RAD54B: variants seen among roughly 807,000 people sequenced by gnomAD.
The protein encoded by RAD54B is RAD54 homolog B, also known as DNA repair and recombination protein RAD54B.
Under a neutral mutation model 95.8 loss-of-function variants are expected in RAD54B, and 78 were observed. The ratio of observed to expected loss-of-function variants is 0.81; its 90% CI spans 0.68 to 0.98. RAD54B has a LOEUF of 0.98. RAD54B is among the 50% of genes least tolerant of loss of function. RAD54B has a pLI of 0.00. For synonymous variants in RAD54B, 328 were observed against 354.9 expected (o/e 0.92, Z 0.85); for missense variants, 957 against 1,056.6 (o/e 0.91, Z 1.31).
At chr8:94,426,838 C>A (rs1041547799) in intron 3 of RAD54B, among the ~76,000 whole-genome samples, 1 of 152,018 alleles carries the variant, frequency 6.6e-6, no homozygotes, top group South Asian at 2.1e-4. Flanking sequence ...TCACTGTATG[C>A]AAATCTTACC....
chr8:94,428,056 T>C (rs1226849816), intron 3 of RAD54B: 11 of 947,928 alleles, frequency 1.2e-5, no homozygotes, highest in Non-Finnish European at 3.8e-6. Flanking sequence ...AGGATGTCAT[T>C]ATAAATCACA....
chr8:94,450,666 AGCCAGGAGTTCGAGACGAACCTG>A (rs1454024809), intron 3 of RAD54B, among the ~76,000 whole-genome samples: 3 of 152,088 alleles, frequency 2.0e-5, no homozygotes, highest in African/African-American at 7.2e-5. Flanking sequence ...AATCACTTGG[AGCCAGGAGTTCGAGACGAACCTG>A]GCCAACATGG....
chr8:94,391,942 A>C, intron 9 of RAD54B, 43 bp from the exon 10 acceptor site: 2 of 1,458,868 alleles, frequency 1.4e-6, no homozygotes, highest in Non-Finnish European at 1.9e-6. Context: ...TTATAGACAA[A>C]AATACACTTA....
chr8:94,455,238 TATA>T (rs146995495), intron 3 of RAD54B, among the ~76,000 whole-genome samples: 1,688 of 152,280 alleles, frequency 0.011, 107 homozygotes, highest in Admixed American at 0.095. Context: ...GCCTGCAAAC[TATA>T]ATGTTCCAAT....
intron 5 of RAD54B, among the ~76,000 whole-genome samples, chr8:94,404,963 G>A (rs567630911): frequency 1.3e-4 from 19 of 151,814 alleles, no homozygotes; most frequent in African/African-American, 2.4e-4. Context: ...ACAGGTTCGC[G>A]CCACCACACC....
intron 1 of RAD54B, among the ~76,000 whole-genome samples, chr8:94,472,626 A>G (rs1813198834): frequency 6.6e-6 from 1 of 152,174 alleles, no homozygotes; most frequent in Non-Finnish European, 1.5e-5. Context: ...ACACTTTTTA[A>G]AAAGGAACAC....
At chr8:94,408,485 G>GA (rs1460086522) in intron 4 of RAD54B, among the ~76,000 whole-genome samples, 4 of 152,176 alleles carry the variant, frequency 2.6e-5, no homozygotes, top group African/African-American at 9.6e-5. Context: ...GTGTATACCA[G>GA]AAACTTTTAA....
At chr8:94,381,871 C>T (rs1370370809) in intron 11 of RAD54B, among the ~76,000 whole-genome samples, 2 of 152,022 alleles carry the variant, frequency 1.3e-5, no homozygotes, top group African/African-American at 4.8e-5. Flanking sequence ...CCCAGCACTT[C>T]AGGAGGCCGA....
chr8:94,415,034 A>G (rs1454857679), intron 3 of RAD54B, among the ~76,000 whole-genome samples: 1 of 151,890 alleles, frequency 6.6e-6, no homozygotes, highest in Non-Finnish European at 1.5e-5. Context: ...TTCATATGGA[A>G]CCAAAAAAGA....
rs920135682 is a variant in RAD54B, at chr8:94,431,015, A to C, written c.305-19700T>G. The C allele has an allele frequency of 7.1e-6, 7 of 985,122 alleles. No homozygotes were observed. The African/African-American group carries it at 1.2e-4, about 17-fold the overall frequency. 61.0% of individuals were successfully genotyped at this position (985,122 alleles called of 1,614,324 possible). ...ACTTCAAACACCCATGGTCCCCTTCACTGCTGAAATTACACCCACCCCATT... is the reference window on the plus strand; with the variant it reads ...ACTTCAAACACCCATGGTCCCCTTCCCTGCTGAAATTACACCCACCCCATT... On this transcript the variant is annotated intron_variant, in intron 3 of 14. Transcript: ENST00000336148.
chr8:94,456,384 T>C (rs1379517616), intron 3 of RAD54B, among the ~76,000 whole-genome samples: 1 of 152,206 alleles, frequency 6.6e-6, no homozygotes, highest in Non-Finnish European at 1.5e-5. Context: ...TGAATTACTA[T>C]TAATCCTGTT....
In RAD54B at chr8:94,419,130, T is replaced by C. The variant is rs183707030; in HGVS notation, c.305-7815A>G. 4.0e-4 allele frequency among the ~76,000 whole-genome samples: 61 copies of C among 152,298 alleles called. 1 individual carries two copies. The East Asian group carries it at 7.7e-3, about 19-fold the overall frequency. On this transcript the variant is annotated intron_variant, in intron 3 of 14. Coordinates refer to ENST00000336148, the MANE Select transcript of RAD54B (RefSeq NM_012415.3). ...ACATTCAGCCGACATATTGCCAATA[T>C]GTAGAATCTAATCCCTGAATTTTAC... is the stretch of plus-strand genomic sequence containing the variant.
Position 94,467,858 on chromosome 8 carries a change from T to A in RAD54B, c.-16-303A>T, listed in dbSNP as rs534609025. The stretch of plus-strand genomic sequence containing the variant: ...CCCTCTAGAAACTAAAGGTAACATC[T>A]TAACATATGTCCTTGAGTTGTTTTT... On this transcript the variant is annotated intron_variant, in intron 1 of 14. Coordinates refer to ENST00000336148, the MANE Select transcript of RAD54B (RefSeq NM_012415.3). 109 of 203,520 alleles carry A rather than the reference T, an allele frequency of 5.4e-4. 3 individuals are homozygous for A. The South Asian group carries it at 9.4e-3, about 18-fold the overall frequency. The allele number at this position is 203,520 out of a possible 1,614,324, so 12.6% of individuals were successfully genotyped here. A position where few individuals can be genotyped will look rare whatever the true frequency, so the allele number is the denominator to read the frequency against.
In RAD54B at chr8:94,378,567, C is replaced by T; in HGVS notation, c.2314+1G>A. On this transcript the variant is annotated splice_donor_variant, in intron 13 of 14. Coordinates refer to ENST00000336148, the MANE Select transcript of RAD54B (RefSeq NM_012415.3). LOFTEE classifies it high-confidence loss of function. ...TTTTTGTCACACTGAAGGGTTGTTA[C>T]CTGTAGTTAGGAGTCTGTAAATATG... The T allele has an allele frequency of 6.2e-7, 1 of 1,601,004 alleles. No individual in the cohort carries two copies. The highest frequency in any genetic ancestry group is 8.5e-7 in the Non-Finnish European group (1 of 1,173,006).
intron 6 of RAD54B, among the ~76,000 whole-genome samples, chr8:94,402,901 G>T (rs1811296300): frequency 6.6e-6 from 1 of 152,106 alleles, no homozygotes; most frequent in Non-Finnish European, 1.5e-5. Flanking sequence ...GAAAAGATTA[G>T]GAAACAATAT....
rs140449618 is a variant in RAD54B at position 94,463,745 on chromosome 8, A to T, written c.135+3660T>A. On this transcript the variant is annotated intron_variant, in intron 2 of 14. Transcript: ENST00000336148. ...ATTTAAAAATTAGCCTATAAAATTT[A>T]AAATTTAAAAATCTCTAAAAAAATT... is the stretch of plus-strand genomic sequence containing the variant. Among the ~76,000 whole-genome samples, 245 of 152,078 alleles carry T rather than the reference A, an allele frequency of 1.6e-3. 2 individuals carry two copies. The highest frequency in any genetic ancestry group is 5.7e-3 in the African/African-American group (235 of 41,478).
At chr8:94,441,700 C>T (rs1812402929) in intron 3 of RAD54B, among the ~76,000 whole-genome samples, 1 of 152,176 alleles carries the variant, frequency 6.6e-6, no homozygotes, top group Non-Finnish European at 1.5e-5. Flanking sequence ...CTCTCCTCTC[C>T]CCAGAGATAG....
chr8:94,377,649 T>C (rs1428160249), intron 14 of RAD54B, among the ~76,000 whole-genome samples: 1 of 148,530 alleles, frequency 6.7e-6, no homozygotes, highest in East Asian at 2.0e-4. Context: ...TTTTCACAAG[T>C]GATTCAGAAA....
Position 94,418,239 on chromosome 8 carries a change from A to G in RAD54B, c.305-6924T>C, listed in dbSNP as rs565424894. Among the ~76,000 whole-genome samples, 19 of 152,164 alleles carry G rather than the reference A, an allele frequency of 1.2e-4. No individual in the cohort carries two copies. In the East Asian group the frequency reaches 3.5e-3, roughly 28 times the overall value. Reference sequence around the variant, plus strand: ...TTTTTTTTAAGCTCTATCATATTCAATCTGTGCATCTCTGGTTATTTGTGG... The same window carrying G: ...TTTTTTTTAAGCTCTATCATATTCAGTCTGTGCATCTCTGGTTATTTGTGG... On this transcript the variant is annotated intron_variant, in intron 3 of 14. Transcript: ENST00000336148.
Sources: gnomAD v4.1 joint callset for allele counts (sites outside exome capture counted in the v4.1 genomes callset) on GRCh38, gnomAD v4.1.1 for gene constraint, MANE v1.5 for transcripts, NCBI Gene and HGNC (gene_info 2026-07-23, HGNC 2026-07-21) for gene names.